DEPDC1B: variants seen among roughly 807,000 people sequenced by gnomAD.
DEPDC1B encodes DEP domain-containing protein 1B.
A neutral mutation model predicts 66.5 loss-of-function variants in DEPDC1B; 51 were observed. The ratio of observed to expected loss-of-function variants is 0.77; its 90% CI spans 0.61 to 0.97. DEPDC1B has a LOEUF of 0.97. DEPDC1B is among the 50% of genes least tolerant of loss of function. The pLI, the probability that DEPDC1B is intolerant of heterozygous loss-of-function variation, is 0.00. For missense variants in DEPDC1B, 552 were observed against 637.1 expected (o/e 0.87, Z 1.44); for synonymous variants, 226 against 223.6 (o/e 1.01, Z -0.10).
At chr5:60,691,240 G>A (rs1471958366) in intron 1 of DEPDC1B, among the ~76,000 whole-genome samples, 1 of 151,722 alleles carries the variant, frequency 6.6e-6, no homozygotes, top group Non-Finnish European at 1.5e-5. Flanking sequence ...TTTTAGTAGA[G>A]ATGAGGTTTC....
chr5:60,642,910 T>A, intron 5 of DEPDC1B, 51 bp from the exon 6 acceptor site: 2 of 1,377,388 alleles, frequency 1.5e-6, no homozygotes, highest in African/African-American at 1.4e-5. Flanking sequence ...CAAGACATCA[T>A]ATACATACTT....
chr5:60,646,812 G>A lies in DEPDC1B; in HGVS notation c.450+586C>T, dbSNP rs756849724. ...AGTTCTACCTCCTGTCAGATCGGCC[G>A]CATTAGATTCTCATAGGAGCGTGAA... On this transcript the variant is annotated intron_variant, in intron 3 of 10. Transcript: ENST00000265036. Among the ~76,000 whole-genome samples the A allele has an allele frequency of 7.9e-5, 12 of 152,208 alleles. No individual in the cohort carries two copies. The East Asian group carries it at 9.7e-4, about 12-fold the overall frequency.
intron 4 of DEPDC1B, among the ~76,000 whole-genome samples, chr5:60,645,231 G>A (rs1753284448): frequency 6.6e-6 from 1 of 152,076 alleles, no homozygotes; most frequent in Admixed American, 6.6e-5. Flanking sequence ...TATACATACA[G>A]TACATCAGTA....
chr5:60,638,977 A>G (rs1753125257), intron 6 of DEPDC1B, 87 bp from the exon 7 acceptor site: 4 of 1,441,230 alleles, frequency 2.8e-6, no homozygotes, highest in Non-Finnish European at 3.7e-6. Context: ...TGGCGTGTAC[A>G]GATATTCAGA....
chr5:60,645,128 T>G (rs1473033353), intron 4 of DEPDC1B, among the ~76,000 whole-genome samples: 2 of 152,214 alleles, frequency 1.3e-5, no homozygotes, highest in Non-Finnish European at 2.9e-5. Context: ...GTAAAAATAC[T>G]ACAACATAAA....
At position 60,685,831 on chromosome 5, in the gene DEPDC1B, T is replaced by C. The variant is rs760827612; in HGVS notation, c.314+1131A>G. ...TCCACTGCCTGATGCTATTAAGTAC[T>C]AAGGTCTCAGAATAGGTCAAGATTA... is the stretch of plus-strand genomic sequence containing the variant. On this transcript the variant is annotated intron_variant, in intron 2 of 10. Coordinates refer to ENST00000265036, the MANE Select transcript of DEPDC1B (RefSeq NM_018369.3). 4.6e-5 allele frequency among the ~76,000 whole-genome samples: 7 copies of C among 152,196 alleles called. 1 individual carries two copies. The highest frequency in any genetic ancestry group is 8.8e-5 in the Non-Finnish European group (6 of 68,044).
At chr5:60,606,179 C>T (rs1752305540) in intron 7 of DEPDC1B, among the ~76,000 whole-genome samples, 1 of 152,148 alleles carries the variant, frequency 6.6e-6, no homozygotes, top group Non-Finnish European at 1.5e-5. Context: ...ACCCTCAACA[C>T]TCACGTTGTT....
intron 10 of DEPDC1B, 50 bp downstream of exon 10, chr5:60,599,025 T>C (rs1026903008): frequency 1.4e-6 from 2 of 1,384,702 alleles, no homozygotes; most frequent in African/African-American, 1.5e-5. Context: ...AAAAAAAACA[T>C]AAAAACAGTA....
intron 2 of DEPDC1B, among the ~76,000 whole-genome samples, chr5:60,679,429 T>A (rs576368636): frequency 6.6e-6 from 1 of 151,778 alleles, no homozygotes; most frequent in African/African-American, 2.4e-5. Context: ...TTAAAATCAG[T>A]ATTTTGAAAA....
At chr5:60,667,880 C>T (rs374909271) in intron 2 of DEPDC1B, among the ~76,000 whole-genome samples, 1,142 of 35,814 alleles carry the variant, frequency 0.032, 378 homozygotes, top group Non-Finnish European at 0.049. Context: ...GGATATTTTA[C>T]ATATATGTAA....
intron 7 of DEPDC1B, among the ~76,000 whole-genome samples, chr5:60,631,289 T>C (rs1243951411): frequency 6.6e-6 from 1 of 152,176 alleles, no homozygotes; most frequent in African/African-American, 2.4e-5. Flanking sequence ...GCCTCAAGAA[T>C]CAATGAATAT....
At chr5:60,612,140 TG>T (rs898554902) in intron 7 of DEPDC1B, among the ~76,000 whole-genome samples, 1 of 152,088 alleles carries the variant, frequency 6.6e-6, no homozygotes, top group African/African-American at 2.4e-5. Flanking sequence ...ATGCTACATC[TG>T]GCTGGGTGCA....
intron 7 of DEPDC1B, among the ~76,000 whole-genome samples, chr5:60,623,915 G>A (rs1432782010): frequency 1.3e-5 from 2 of 151,886 alleles, no homozygotes; most frequent in African/African-American, 4.8e-5. Flanking sequence ...GTGCTTTTTG[G>A]GGGCAGATTT....
chr5:60,614,310 A>AT (rs915632669), intron 7 of DEPDC1B, among the ~76,000 whole-genome samples: 2 of 152,030 alleles, frequency 1.3e-5, no homozygotes, highest in African/African-American at 4.8e-5. Flanking sequence ...GGGTGTTTTT[A>AT]TTTTTTTACA....
chr5:60,639,596 T>C (rs547928989), intron 6 of DEPDC1B, among the ~76,000 whole-genome samples: 1 of 152,160 alleles, frequency 6.6e-6, no homozygotes, highest in Non-Finnish European at 1.5e-5. Flanking sequence ...CTCCCAACCA[T>C]ATCCTACTCC....
intron 8 of DEPDC1B, among the ~76,000 whole-genome samples, chr5:60,604,284 G>A (rs902127007): frequency 7.8e-6 from 1 of 127,950 alleles, no homozygotes; most frequent in Non-Finnish European, 1.6e-5. Context: ...GCAATGGTGT[G>A]ATCTTGGCTC....
intron 9 of DEPDC1B, 97 bp from the exon 10 acceptor site, chr5:60,599,357 T>C (rs761657724): frequency 1.3e-5 from 12 of 892,078 alleles, no homozygotes; most frequent in Non-Finnish European, 1.7e-5. Context: ...CCTTGTACCG[T>C]AGCAATGCCA....
rs141932803 is a variant in DEPDC1B at position 60,647,444 on chromosome 5, G to A, written c.404C>T (p.Pro135Leu). Residue 135 changes from proline (P) to leucine (L), a missense_variant, in exon 3 of 11, where the codon CCA becomes CTA. Physicochemically the swap from Pro to Leu is moderately conservative, Grantham distance 98. Transcript: ENST00000265036. The stretch of plus-strand genomic sequence containing the variant: ...GATGTTCTCTTGTGAAGTGCCTGGT[G>A]GGAGATCATTCCATTCTGGAAATTT... ...VIKFPEWNDL[P>L]PGTSQENIPV... 10 of 1,612,756 alleles carry A rather than the reference G, an allele frequency of 6.2e-6. No individual in the cohort carries two copies. The African/African-American group carries it at 1.1e-4, about 17-fold the overall frequency.
At chr5:60,629,021 G>A (rs1162463408) in intron 7 of DEPDC1B, among the ~76,000 whole-genome samples, 2 of 152,154 alleles carry the variant, frequency 1.3e-5, no homozygotes, top group African/African-American at 4.8e-5. Flanking sequence ...CTGAGGGGGT[G>A]CCATGGCAGC....
Sources: allele counts gnomAD v4.1 joint callset (sites outside exome capture counted in the v4.1 genomes callset), GRCh38; gene constraint gnomAD v4.1.1; transcripts MANE v1.5; gene names NCBI Gene and HGNC (gene_info 2026-07-23, HGNC 2026-07-21).